The following CCT8 variants were observed in gnomAD, a reference collection of about 807,000 sequenced individuals.
CCT8 encodes the protein T-complex protein 1 subunit theta.
CCT8 carries 10 observed loss-of-function variants against 65.7 expected under a neutral mutation model. The observed-to-expected ratio is 0.15, with a 90% CI of 0.09 to 0.26. CCT8 has a LOEUF of 0.26. Among genes scored for constraint, CCT8 ranks in the 10% least tolerant of loss-of-function variants. The pLI, the probability that CCT8 is intolerant of heterozygous loss-of-function variation, is 1.00. For missense variants in CCT8, 568 were observed against 669.1 expected (o/e 0.85, Z 1.67); for synonymous variants, 199 against 221.8 (o/e 0.90, Z 0.92).
chr21:29,073,497 C>T (rs771647722), intron 1 of CCT8, 34 bp downstream of exon 1: 1 of 1,613,882 alleles, frequency 6.2e-7, no homozygotes, highest in South Asian at 1.1e-5. Flanking sequence ...CCTATGCTGA[C>T]GCTCCCACCT....
rs2085603801 is a variant in CCT8, at chr21:29,064,838, T to C, written c.762+130A>G. On this transcript the variant is annotated intron_variant, in intron 7 of 14. Coordinates refer to ENST00000286788, the MANE Select transcript of CCT8 (RefSeq NM_006585.4). ...ATTAGATATTTGAAGACTATAAATC[T>C]GGCATAAAAAAATAGGTAAGATCCT... is the stretch of plus-strand genomic sequence containing the variant. 21 of 693,356 alleles carry C rather than the reference T, an allele frequency of 3.0e-5. No individual in the cohort carries two copies. The South Asian group carries it at 4.1e-4, about 13-fold the overall frequency. 43.0% of individuals were successfully genotyped at this position (693,356 alleles called of 1,614,324 possible).
At chr21:29,071,421 C>T (rs1422573651) in intron 1 of CCT8, among the ~76,000 whole-genome samples, 1 of 151,844 alleles carries the variant, frequency 6.6e-6, no homozygotes, top group Non-Finnish European at 1.5e-5. Context: ...TCTCCTCTAT[C>T]GCTCAGGCTG....
chr21:29,065,269 C>T (rs1242353417), intron 6 of CCT8, among the ~76,000 whole-genome samples, 164 bp from the exon 7 acceptor site: 5 of 152,208 alleles, frequency 3.3e-5, no homozygotes, highest in Non-Finnish European at 7.3e-5. Flanking sequence ...ACAGCACACC[C>T]TTCTGCTCGA....
chr21:29,068,403 T>C (rs1303149552), intron 3 of CCT8, among the ~76,000 whole-genome samples: 1 of 152,148 alleles, frequency 6.6e-6, no homozygotes, highest in Non-Finnish European at 1.5e-5. Flanking sequence ...AAGTGTTTTG[T>C]GGAGTTAAAA....
At position 29,062,625 on chromosome 21, in the gene CCT8, A is replaced by G. The variant is rs889053737; in HGVS notation, c.942-69T>C. On this transcript the variant is annotated intron_variant, in intron 8 of 14. Transcript: ENST00000286788. ...CAGATAGCATATAAAGTTCAAATTA[A>G]AGAGGAACCTGTATACCAGCCCCCA... The G allele has an allele frequency of 4.0e-6, 5 of 1,241,874 alleles. No individual in the cohort carries two copies. In the African/African-American group the frequency reaches 7.5e-5, roughly 19 times the overall value. 76.9% of individuals were successfully genotyped at this position (1,241,874 alleles called of 1,614,324 possible).
intron 3 of CCT8, among the ~76,000 whole-genome samples, chr21:29,068,388 T>C (rs1601095386): frequency 6.6e-6 from 1 of 152,130 alleles, no homozygotes; most frequent in Non-Finnish European, 1.5e-5. Context: ...GACAAACCCT[T>C]GTACAAGTGT....
At chr21:29,062,581 T>G in intron 8 of CCT8, 25 bp from the exon 9 acceptor site, 1 of 1,589,348 alleles carries the variant, frequency 6.3e-7, no homozygotes, top group Non-Finnish European at 8.6e-7. Context: ...AAGACCTTAA[T>G]AAAAGTTTTA....
intron 14 of CCT8, among the ~76,000 whole-genome samples, chr21:29,057,390 C>A (rs1037793449): frequency 2.7e-4 from 41 of 151,002 alleles, no homozygotes; most frequent in African/African-American, 9.9e-4. Context: ...AGGCTGGTCT[C>A]AAACTCCTGC....
In CCT8 at chr21:29,056,451, C is replaced by G. The variant is rs746759590; in HGVS notation, c.*24G>C. 3.6e-6 allele frequency: 5 copies of G among 1,373,498 alleles called. No homozygotes were observed. Among genetic ancestry groups the G allele is most frequent in the South Asian group, 2.9e-5 (2 of 69,470 alleles). 85.1% of individuals were successfully genotyped at this position (1,373,498 alleles called of 1,614,324 possible). A position where few individuals can be genotyped will look rare whatever the true frequency, so the allele number is the denominator to read the frequency against. On this transcript the variant is annotated 3_prime_UTR_variant, in exon 15 of 15. Coordinates refer to ENST00000286788, the MANE Select transcript of CCT8 (RefSeq NM_006585.4). ...AGTACTACTACAAATACAGCCTTCACCTACAGTAAAAATTAAGCCAATTTC... is the reference window on the plus strand; with the variant it reads ...AGTACTACTACAAATACAGCCTTCAGCTACAGTAAAAATTAAGCCAATTTC...
chr21:29,072,761 A>G (rs1035163756), intron 1 of CCT8, among the ~76,000 whole-genome samples: 1 of 152,232 alleles, frequency 6.6e-6, no homozygotes, highest in Non-Finnish European at 1.5e-5. Context: ...AAATTTATCA[A>G]TAGTGCAGTA....
chr21:29,062,261 A>G lies in CCT8; in HGVS notation c.1097-18T>C, dbSNP rs763820874. The G allele has an allele frequency of 1.1e-5, 17 of 1,605,824 alleles. No individual in the cohort carries two copies. Among genetic ancestry groups the G allele is most frequent in the African/African-American group, 1.3e-5 (1 of 74,708 alleles). On this transcript the variant is annotated intron_variant, in intron 10 of 14. Transcript: ENST00000286788. ...TTCCTTTTCTATCAAAAAATTAAAT[A>G]TATTTGGTGATTAAATACAAGAAGC...
chr21:29,071,184 C>T (rs1039104256), intron 1 of CCT8, among the ~76,000 whole-genome samples: 5 of 152,202 alleles, frequency 3.3e-5, no homozygotes, highest in Middle Eastern at 6.8e-3. Flanking sequence ...AATAAACTTT[C>T]AAGTAATTAA....
At chr21:29,062,101 A>T (rs771559688) in intron 11 of CCT8, 27 bp downstream of exon 11, 11 of 1,455,908 alleles carry the variant, frequency 7.6e-6, no homozygotes, top group Non-Finnish European at 9.6e-6. Flanking sequence ...GACCTTACAA[A>T]CTACTAAGAA....
chr21:29,067,840 T>C (rs530303764), intron 3 of CCT8, 135 bp from the exon 4 acceptor site: 6 of 520,802 alleles, frequency 1.2e-5, no homozygotes, highest in East Asian at 3.4e-5. Context: ...TACACTGCTA[T>C]ACGCTACTTA....
Position 29,063,447 on chromosome 21 carries a change from A to C in CCT8, c.846T>G (p.Ala282=). ...CGACATTTGCACCAGTATCAGCAAT[A>C]GCTTTGACTTGTGCATCCATGAGGT... ...EENLMDAQVK[A]IADTGANVVV... is the part of the protein sequence containing the mutation. Residue 282 remains alanine (A), a synonymous_variant, in exon 8 of 15, where the codon GCT becomes GCG. Coordinates refer to ENST00000286788, the MANE Select transcript of CCT8 (RefSeq NM_006585.4). 6.2e-7 allele frequency: 1 copy of C among 1,613,996 alleles called. No homozygotes were observed.
At chr21:29,057,709 A>ACG in intron 14 of CCT8, among the ~76,000 whole-genome samples, 1 of 146,538 alleles carries the variant, frequency 6.8e-6, no homozygotes, top group Non-Finnish European at 1.5e-5. Flanking sequence ...TATCATATAT[A>ACG]ATATATATCA....
chr21:29,062,794 T>A, intron 8 of CCT8: 1 of 528,698 alleles, frequency 1.9e-6, no homozygotes, highest in East Asian at 3.1e-5. Context: ...TGTATGGCAT[T>A]GTTCTAGAAT....
Position 29,073,604 on chromosome 21 carries a change from G to A in CCT8, c.-14C>T, listed in dbSNP as rs199681780. ...GTGAAGCGCCATGGCCAGCCTGCAG[G>A]AAGCAGTTCACGCGACCGCTCGGAA... On this transcript the variant is annotated 5_prime_UTR_variant, in exon 1 of 15. Coordinates refer to ENST00000286788, the MANE Select transcript of CCT8 (RefSeq NM_006585.4). The A allele has an allele frequency of 2.5e-6, 4 of 1,613,824 alleles. No homozygotes were observed. The highest frequency in any genetic ancestry group is 2.7e-5 in the African/African-American group (2 of 75,058).
At chr21:29,070,445 G>A (rs546750183) in intron 1 of CCT8, 108 bp from the exon 2 acceptor site, 1 of 595,954 alleles carries the variant, frequency 1.7e-6, no homozygotes, top group Non-Finnish European at 2.9e-6. Flanking sequence ...TAAAGAGGGA[G>A]CATAGCTTAG....
Sources: gnomAD v4.1 joint callset for allele counts (sites outside exome capture counted in the v4.1 genomes callset) on GRCh38, gnomAD v4.1.1 for gene constraint, MANE v1.5 for transcripts, NCBI Gene and HGNC (gene_info 2026-07-23, HGNC 2026-07-21) for gene names.